The following LRRC7 variants were observed in gnomAD, a reference collection of about 807,000 sequenced individuals.
LRRC7 encodes leucine-rich repeat-containing protein 7.
In LRRC7, 23 loss-of-function variants were observed where a neutral mutation model predicts 175.7. The ratio of observed to expected loss-of-function variants is 0.13; its 90% CI spans 0.09 to 0.19. The LOEUF (loss-of-function observed/expected upper bound fraction) is 0.19. Ranked by LOEUF, LRRC7 falls within the 10% of genes least tolerant of loss-of-function variation. The pLI, the probability that LRRC7 is intolerant of heterozygous loss-of-function variation, is 1.00. For synonymous variants in LRRC7, 685 were observed against 680.9 expected, an observed-to-expected ratio of 1.01 and a Z score of -0.09; for missense variants, 1,354 against 1,904.7, an observed-to-expected ratio of 0.71 and a Z score of 5.38.
chr1:69,856,324 G>A (rs1228846226), intron 7 of LRRC7, among the ~76,000 whole-genome samples: 2 of 152,232 alleles, frequency 1.3e-5, no homozygotes, highest in African/African-American at 2.4e-5. Flanking sequence ...GAATCCAGGA[G>A]CTGGTTTTTT....
intron 4 of LRRC7, among the ~76,000 whole-genome samples, chr1:69,817,426 A>G (rs1292601829): frequency 2.0e-5 from 3 of 152,046 alleles, no homozygotes; most frequent in African/African-American, 7.2e-5. Flanking sequence ...TTTGTTAACC[A>G]TCAGTTGATT....
chr1:69,809,089 G>T (rs1025476708), intron 4 of LRRC7, among the ~76,000 whole-genome samples: 1 of 151,836 alleles, frequency 6.6e-6, no homozygotes, highest in Non-Finnish European at 1.5e-5. Flanking sequence ...TGGTAAAGGG[G>T]GTATCACCAC....
intron 8 of LRRC7, among the ~76,000 whole-genome samples, chr1:69,961,434 T>C (rs1651077218): frequency 6.6e-6 from 1 of 152,194 alleles, no homozygotes; most frequent in African/African-American, 2.4e-5. Context: ...TTCAATGCTC[T>C]TCCCATTAAA....
At chr1:69,602,762 C>T (rs767155240) in intron 1 of LRRC7, among the ~76,000 whole-genome samples, 75 of 152,002 alleles carry the variant, frequency 4.9e-4, no homozygotes, top group Non-Finnish European at 8.5e-4. Flanking sequence ...AGTCATGGAC[C>T]GTATAATGAT....
At chr1:70,055,923 A>G (rs1558031974) in intron 23 of LRRC7, among the ~76,000 whole-genome samples, 1 of 152,234 alleles carries the variant, frequency 6.6e-6, no homozygotes, top group African/African-American at 2.4e-5. Context: ...GTGATTGGAC[A>G]TAGGGCATAG....
chr1:69,702,287 G>A (rs574228243), intron 2 of LRRC7, among the ~76,000 whole-genome samples: 2 of 152,300 alleles, frequency 1.3e-5, no homozygotes, highest in African/African-American at 4.8e-5. Context: ...AAGCAAGACA[G>A]AACACATCAT....
intron 7 of LRRC7, among the ~76,000 whole-genome samples, chr1:69,871,644 G>A (rs1419344380): frequency 6.6e-6 from 1 of 151,932 alleles, no homozygotes; most frequent in Non-Finnish European, 1.5e-5. Flanking sequence ...CATACATTGA[G>A]AGAGTTAAGA....
intron 7 of LRRC7, among the ~76,000 whole-genome samples, chr1:69,925,479 G>T (rs1384315749): frequency 6.6e-6 from 1 of 151,860 alleles, no homozygotes; most frequent in Non-Finnish European, 1.5e-5. Flanking sequence ...AATTTCAGAG[G>T]CTGTTATTGG....
intron 2 of LRRC7, among the ~76,000 whole-genome samples, chr1:69,749,279 C>T (rs1024939238): frequency 2.0e-5 from 3 of 152,146 alleles, no homozygotes; most frequent in African/African-American, 7.2e-5. Flanking sequence ...CAAACCTTCT[C>T]TCAAGGAATT....
chr1:69,856,560 C>A (rs1215395952), intron 7 of LRRC7, among the ~76,000 whole-genome samples: 1 of 152,040 alleles, frequency 6.6e-6, no homozygotes, highest in Non-Finnish European at 1.5e-5. Context: ...AAGACTAAAC[C>A]AGGAAGAAAT....
rs144755394 is a variant in LRRC7 at position 69,928,152 on chromosome 1, C to T, written c.648-3355C>T. 3.3e-3 allele frequency among the ~76,000 whole-genome samples: 500 copies of T among 152,208 alleles called. 1 individual carries two copies. Among genetic ancestry groups the T allele is most frequent in the African/African-American group, 0.011 (449 of 41,528 alleles). ...TGAACCGTGAATGCTGCTGTCTGAT[C>T]GTTCCTCTGGAAGTTTTGTCTCAGA... On this transcript the variant is annotated intron_variant, in intron 7 of 26. Transcript: ENST00000651989.
chr1:69,637,023 A>C (rs1306801854), intron 1 of LRRC7, among the ~76,000 whole-genome samples: 1 of 151,292 alleles, frequency 6.6e-6, no homozygotes, highest in Non-Finnish European at 1.5e-5. Flanking sequence ...AGTTACAGTG[A>C]CTTCGTATTA....
At chr1:69,946,817 C>T (rs1375256326) in intron 8 of LRRC7, among the ~76,000 whole-genome samples, 11 of 152,084 alleles carry the variant, frequency 7.2e-5, no homozygotes, top group Non-Finnish European at 1.3e-4. Flanking sequence ...GTGGCTCATG[C>T]CTGTAATCTC....
intron 5 of LRRC7, among the ~76,000 whole-genome samples, chr1:69,826,873 T>C (rs1035932063): frequency 3.3e-5 from 5 of 151,942 alleles, no homozygotes; most frequent in African/African-American, 1.2e-4. Context: ...GTAGTGAAAG[T>C]GGTTCTCTAT....
At chr1:69,580,820 C>T (rs1338407803) in intron 1 of LRRC7, among the ~76,000 whole-genome samples, 4 of 152,000 alleles carry the variant, frequency 2.6e-5, no homozygotes, top group African/African-American at 4.8e-5. Context: ...TATACAATTA[C>T]AAATTATGAT....
At chr1:70,057,633 A>G (rs1331288392) in intron 23 of LRRC7, among the ~76,000 whole-genome samples, 4 of 152,102 alleles carry the variant, frequency 2.6e-5, no homozygotes, top group Non-Finnish European at 2.9e-5. Flanking sequence ...CTAAGCCATC[A>G]GAAACCACAG....
intron 2 of LRRC7, among the ~76,000 whole-genome samples, chr1:69,720,497 C>A (rs984289933): frequency 6.6e-6 from 1 of 151,612 alleles, no homozygotes; most frequent in African/African-American, 2.4e-5. Context: ...TTTATATTTA[C>A]CTGCACATTT....
intron 5 of LRRC7, among the ~76,000 whole-genome samples, chr1:69,834,321 G>C (rs559981467): frequency 3.2e-4 from 48 of 152,250 alleles, no homozygotes; most frequent in Non-Finnish European, 4.9e-4. Context: ...GGCAACTTTA[G>C]TCATCGCTGT....
intron 1 of LRRC7, among the ~76,000 whole-genome samples, chr1:69,615,475 C>G (rs1293617178): frequency 6.6e-6 from 1 of 151,970 alleles, no homozygotes; most frequent in Non-Finnish European, 1.5e-5. Flanking sequence ...AGCATAATAA[C>G]AGACAACATG....
Sources: gnomAD v4.1 joint callset for allele counts (sites outside exome capture counted in the v4.1 genomes callset) on GRCh38, gnomAD v4.1.1 for gene constraint, MANE v1.5 for transcripts, NCBI Gene and HGNC (gene_info 2026-07-23, HGNC 2026-07-21) for gene names.